Variants in SPATA9 observed in about 807,000 individuals in gnomAD.
SPATA9 encodes the protein spermatogenesis associated 9, also known as spermatogenesis-associated protein 9.
A neutral mutation model predicts 25.5 loss-of-function variants in SPATA9; 27 were observed. The observed-to-expected ratio is 1.06, with a 90% confidence interval of 0.78 to 1.46. SPATA9 has a LOEUF of 1.46. Among genes scored for constraint, SPATA9 ranks in the 40% most tolerant of loss-of-function variants. The pLI is 0.00. For missense variants in SPATA9, 282 were observed against 297.5 expected (o/e 0.95, Z 0.38); for synonymous variants, 102 against 105.7 (o/e 0.97, Z 0.21).
the SPATA9 span, among the ~76,000 whole-genome samples, chr5:95,712,281 A>G: frequency 2.0e-5 from 3 of 152,286 alleles, no homozygotes; most frequent in Admixed American, 6.5e-5. Context: ...AATATTTCCT[A>G]TCCCACAATG....
chr5:95,670,097 G>A (rs1752227256), intron 3 of SPATA9, among the ~76,000 whole-genome samples: 1 of 152,108 alleles, frequency 6.6e-6, no homozygotes, highest in Non-Finnish European at 1.5e-5. Context: ...GGGTCTTTGG[G>A]AGGCTTCTAT....
the SPATA9 span, among the ~76,000 whole-genome samples, chr5:95,722,159 C>A: frequency 6.6e-6 from 1 of 151,934 alleles, no homozygotes; most frequent in Non-Finnish European, 1.5e-5. Flanking sequence ...GGGATAGTAC[C>A]CAATGGATGG....
intron 4 of SPATA9, among the ~76,000 whole-genome samples, chr5:95,662,638 C>T (rs1329957153): frequency 6.6e-6 from 1 of 151,910 alleles, no homozygotes; most frequent in Non-Finnish European, 1.5e-5. Context: ...GAAATTTGTC[C>T]ATATATAATC....
At chr5:95,700,752 T>C (rs1254552192), upstream of SPATA9, among the ~76,000 whole-genome samples, 1 of 152,158 alleles carries the variant, frequency 6.6e-6, no homozygotes. Flanking sequence ...TATATAACTA[T>C]AGTACAATAT....
upstream of SPATA9, among the ~76,000 whole-genome samples, chr5:95,685,910 C>T (rs946255975): frequency 4.6e-5 from 7 of 152,184 alleles, no homozygotes; most frequent in African/African-American, 1.7e-4. Flanking sequence ...GATCTCGGCT[C>T]ACTGCAACCT....
At chr5:95,675,727 ACT>A (rs1244282502) in intron 2 of SPATA9, 88 bp from the exon 3 acceptor site, 3 of 1,017,788 alleles carry the variant, frequency 2.9e-6, no homozygotes, top group East Asian at 2.5e-5. Context: ...CTACTATATA[ACT>A]ACATTGTGCA....
intron 3 of SPATA9, 61 bp downstream of exon 3, chr5:95,675,351 G>A: frequency 3.6e-6 from 5 of 1,388,604 alleles, no homozygotes; most frequent in South Asian, 2.7e-5. Flanking sequence ...TATTTTTCAA[G>A]TTTTGCAAAT....
At chr5:95,706,213 T>C in the SPATA9 span, among the ~76,000 whole-genome samples, 1 of 151,782 alleles carries the variant, frequency 6.6e-6, no homozygotes, top group Non-Finnish European at 1.5e-5. Context: ...CCAGTTCATA[T>C]GGTTTGGATT....
intron 4 of SPATA9, among the ~76,000 whole-genome samples, chr5:95,659,806 A>C (rs566448162): frequency 6.6e-6 from 1 of 152,096 alleles, no homozygotes; most frequent in Non-Finnish European, 1.5e-5. Context: ...ACTTTCCCTC[A>C]CTTCCCTGCA....
chr5:95,670,812 C>G, intron 3 of SPATA9: 1 of 983,188 alleles, frequency 1.0e-6, no homozygotes, highest in Non-Finnish European at 1.2e-6. Flanking sequence ...TGCCACATCT[C>G]ATACATTCCG....
chr5:95,727,752 A>G, the SPATA9 span, among the ~76,000 whole-genome samples: 3 of 152,392 alleles, frequency 2.0e-5, no homozygotes, highest in African/African-American at 7.2e-5. Flanking sequence ...AAATTATGAA[A>G]AGATCTTTAG....
upstream of SPATA9, chr5:95,683,008 A>G (rs1178725325): frequency 3.0e-6 from 4 of 1,318,952 alleles, no homozygotes; most frequent in Non-Finnish European, 3.9e-6. Flanking sequence ...ATTCTTTGTT[A>G]CTGTACAATA....
the SPATA9 span, among the ~76,000 whole-genome samples, chr5:95,711,423 G>A: frequency 6.6e-6 from 1 of 152,174 alleles, no homozygotes; most frequent in Admixed American, 6.5e-5. Flanking sequence ...TTCAGAGAAG[G>A]CAGGATTTTG....
chr5:95,673,376 T>G (rs1026943399), intron 3 of SPATA9, among the ~76,000 whole-genome samples: 8 of 150,354 alleles, frequency 5.3e-5, no homozygotes, highest in Non-Finnish European at 1.2e-4. Flanking sequence ...GTGTGTGTGT[T>G]TGTGTGTGTG....
intron 1 of SPATA9, among the ~76,000 whole-genome samples, chr5:95,692,799 T>C (rs1208824482): frequency 6.6e-6 from 1 of 152,174 alleles, no homozygotes; most frequent in Non-Finnish European, 1.5e-5. Context: ...TCAGAGAATA[T>C]GGTCTATAAA....
At chr5:95,670,108 T>A (rs1413249394) in intron 3 of SPATA9, among the ~76,000 whole-genome samples, 1 of 152,158 alleles carries the variant, frequency 6.6e-6, no homozygotes, top group Non-Finnish European at 1.5e-5. Context: ...AGGCTTCTAT[T>A]TGGCACAACA....
the SPATA9 span, among the ~76,000 whole-genome samples, chr5:95,725,623 G>A: frequency 6.6e-6 from 1 of 152,042 alleles, no homozygotes; most frequent in East Asian, 1.9e-4. Context: ...GTGTTGTATT[G>A]CACAACAAAA....
intron 1 of SPATA9, among the ~76,000 whole-genome samples, chr5:95,690,554 T>C (rs1753855083): frequency 6.6e-6 from 1 of 152,214 alleles, no homozygotes; most frequent in Non-Finnish European, 1.5e-5. Flanking sequence ...TTAGTTGTGA[T>C]GATTTGGGCT....
chr5:95,669,030 T>C (rs1752095423), intron 3 of SPATA9, among the ~76,000 whole-genome samples: 1 of 152,244 alleles, frequency 6.6e-6, no homozygotes, highest in Admixed American at 6.5e-5. Flanking sequence ...AAAGTATTCC[T>C]GTTAAGTTTG....
Sources: gnomAD v4.1 joint callset for allele counts (sites outside exome capture counted in the v4.1 genomes callset) on GRCh38, gnomAD v4.1.1 for gene constraint, MANE v1.5 for transcripts, NCBI Gene and HGNC (gene_info 2026-07-23, HGNC 2026-07-21) for gene names.